SPTB: variants seen among roughly 807,000 people sequenced by gnomAD.
SPTB encodes the protein spectrin beta, erythrocytic, also known as spectrin beta chain, erythrocytic.
Under a neutral mutation model 256.2 loss-of-function variants are expected in SPTB, and 45 were observed. The ratio of observed to expected loss-of-function variants is 0.18; its 90% CI spans 0.14 to 0.23. The LOEUF (loss-of-function observed/expected upper bound fraction) is 0.23. Among genes scored for constraint, SPTB ranks in the 10% least tolerant of loss-of-function variants. SPTB has a pLI of 1.00. For synonymous variants in SPTB, 1,231 were observed against 1,243.1 expected, an observed-to-expected ratio of 0.99 and a Z score of 0.21; for missense variants, 2,715 against 3,040.4, an observed-to-expected ratio of 0.89 and a Z score of 2.52.
rs1350193706 is a variant in SPTB at position 64,823,481 on chromosome 14, T to G, written c.-51-336A>C. On this transcript the variant is annotated intron_variant, in intron 1 of 35. Coordinates refer to ENST00000644917, the MANE Select transcript of SPTB (RefSeq NM_001355436.2). This position sits in a 1 kb window ranked among gnomAD's most constrained non-coding sequence, Gnocchi z 6.5. ...GGGAGCACCCCGGGAGAGAGGAAGC[T>G]CTCCTGGGAGCCAGAGGCAGCAGGG... is the stretch of plus-strand genomic sequence containing the variant. Among the ~76,000 whole-genome samples, 7 of 151,760 alleles carry G rather than the reference T, an allele frequency of 4.6e-5. No individual in the cohort carries two copies. Among genetic ancestry groups the G allele is most frequent in the Non-Finnish European group, 1.0e-4 (7 of 67,952 alleles).
chr14:64,820,410 G>C (rs1343355613), intron 2 of SPTB, among the ~76,000 whole-genome samples: 3 of 152,234 alleles, frequency 2.0e-5, no homozygotes, highest in African/African-American at 7.2e-5. Context: ...AGGTCACTTA[G>C]AGTGGACTCT....
chr14:64,786,078 A>G lies in SPTB; in HGVS notation c.3562-127T>C. 1.0e-6 allele frequency: 1 copy of G among 991,636 alleles called. No homozygotes were observed. The highest frequency in any genetic ancestry group is 1.6e-6 in the Non-Finnish European group (1 of 641,396). The allele number at this position is 991,636 out of a possible 1,614,324, so 61.4% of individuals were successfully genotyped here. ...ATGAATGAGCCCCCTAGAGTAGTAC[A>G]GGGAGGAGGCACTACTCCCCAGGCC... On this transcript the variant is annotated intron_variant, in intron 16 of 35. Transcript: ENST00000644917. The surrounding 1 kb of genome is among the most constrained non-coding windows in gnomAD (Gnocchi z 5.6).
intron 2 of SPTB, among the ~76,000 whole-genome samples, chr14:64,812,844 C>A (rs1262103139): frequency 1.3e-5 from 2 of 152,176 alleles, no homozygotes; most frequent in Non-Finnish European, 2.9e-5. Flanking sequence ...TTTATTGCTT[C>A]CATGGCTTTC....
Position 64,775,720 on chromosome 14 carries a change from C to T in SPTB, c.4564-317G>A, listed in dbSNP as rs2082346944. On this transcript the variant is annotated intron_variant, in intron 22 of 35. Coordinates refer to ENST00000644917, the MANE Select transcript of SPTB (RefSeq NM_001355436.2). This position sits in a 1 kb window ranked among gnomAD's most constrained non-coding sequence, Gnocchi z 5.0. Reference sequence around the variant, plus strand: ...GGCAGCCTGTGCTCTTGACTGTCCCCTATCTTCCTGTGCTTCAGCAGAGCT... The same window carrying T: ...GGCAGCCTGTGCTCTTGACTGTCCCTTATCTTCCTGTGCTTCAGCAGAGCT... 6.6e-6 allele frequency among the ~76,000 whole-genome samples: 1 copy of T among 152,210 alleles called. No homozygotes were observed. The highest frequency in any genetic ancestry group is 2.4e-5 in the African/African-American group (1 of 41,454).
intron 30 of SPTB, 92 bp from the exon 31 acceptor site, chr14:64,767,444 A>G (rs1056816496): frequency 6.5e-7 from 1 of 1,535,358 alleles, no homozygotes; most frequent in East Asian, 2.2e-5. Flanking sequence ...CTGCACCCCC[A>G]CATGCCCTGA....
Position 64,793,034 on chromosome 14 carries a change from G to T in SPTB, c.2629C>A (p.Pro877Thr). ...KEKWLAEMEM[P>T]DTLEDLEVVQ... is the part of the protein sequence containing the mutation. ...ACCTCCAGGTCCTCCAGGGTGTCTGGCATTTCCATCTCGGCCAGCCACTTC... is the reference window on the plus strand; with the variant it reads ...ACCTCCAGGTCCTCCAGGGTGTCTGTCATTTCCATCTCGGCCAGCCACTTC... The change falls in exon 14 of 36, where the codon CCA (proline) becomes ACA (threonine). Residue 877 changes from proline to threonine, a missense_variant. This residue lies in a region of SPTB where 2,239 missense variants were observed against 2,384.4 expected (regional missense o/e 0.94). Coordinates refer to ENST00000644917, the MANE Select transcript of SPTB (RefSeq NM_001355436.2). The surrounding 1 kb of genome is among the most constrained non-coding windows in gnomAD (Gnocchi z 7.0). 1.2e-6 allele frequency: 2 copies of T among 1,613,926 alleles called. No individual in the cohort carries two copies. Among genetic ancestry groups the T allele is most frequent in the Non-Finnish European group, 1.7e-6 (2 of 1,180,030 alleles).
At chr14:64,767,600 C>T in intron 30 of SPTB, 63 bp downstream of exon 30, 4 of 1,598,170 alleles carry the variant, frequency 2.5e-6, no homozygotes, top group East Asian at 2.2e-5. Context: ...GGAGTCCTTA[C>T]ATGAGACCCC....
intron 2 of SPTB, among the ~76,000 whole-genome samples, 181 bp downstream of exon 2, chr14:64,822,766 C>A (rs2083315783): frequency 6.6e-6 from 1 of 152,196 alleles, no homozygotes; most frequent in African/African-American, 2.4e-5. Context: ...GCCTTGGGGG[C>A]AGAGGCTGCC....
Position 64,801,274 on chromosome 14 carries a change from G to C in SPTB, c.763+11C>G. Reference sequence around the variant, plus strand: ...CTGCAGCAAAGGCTGGCAGGGGTGGGTGTGGCTCACCTTCGGGGTCGAGGA... The same window carrying C: ...CTGCAGCAAAGGCTGGCAGGGGTGGCTGTGGCTCACCTTCGGGGTCGAGGA... On this transcript the variant is annotated intron_variant, in intron 7 of 35. Transcript: ENST00000644917. 6.2e-7 allele frequency: 1 copy of C among 1,607,226 alleles called. No individual in the cohort carries two copies. Among genetic ancestry groups the C allele is most frequent in the Non-Finnish European group, 8.5e-7 (1 of 1,174,170 alleles).
Position 64,760,604 on chromosome 14 carries a change from A to G in SPTB, c.6345+6122T>C, listed in dbSNP as rs1339155849. Among the ~76,000 whole-genome samples the G allele has an allele frequency of 1.3e-5, 2 of 152,222 alleles. No individual in the cohort carries two copies. The highest frequency in any genetic ancestry group is 2.9e-5 in the Non-Finnish European group (2 of 68,032). ...CAGCAACGGGATGCATCGTGCCACA[A>G]CTGAATTCATGTTAGAATTCACATG... is the stretch of plus-strand genomic sequence containing the variant. On this transcript the variant is annotated intron_variant, in intron 32 of 35. Coordinates refer to ENST00000644917, the MANE Select transcript of SPTB (RefSeq NM_001355436.2). This position sits in a 1 kb window ranked among gnomAD's most constrained non-coding sequence, Gnocchi z 4.3.
intron 2 of SPTB, among the ~76,000 whole-genome samples, chr14:64,820,764 G>A (rs2083272437): frequency 6.6e-6 from 1 of 152,122 alleles, no homozygotes; most frequent in Non-Finnish European, 1.5e-5. Context: ...TCCGCCTCCC[G>A]GGTTCAAGCA....
rs1386957550 is a variant in SPTB at position 64,807,645 on chromosome 14, C to T, written c.149-2555G>A. Reference sequence around the variant, plus strand: ...GGAGAAAAGGCCCCAAGGTGAGAGGCATTTCCATGAGCTGGCTGGCTCCAG... The same window carrying T: ...GGAGAAAAGGCCCCAAGGTGAGAGGTATTTCCATGAGCTGGCTGGCTCCAG... On this transcript the variant is annotated intron_variant, in intron 2 of 35. Coordinates refer to ENST00000644917, the MANE Select transcript of SPTB (RefSeq NM_001355436.2). The surrounding 1 kb of genome is among the most constrained non-coding windows in gnomAD (Gnocchi z 4.7). Among the ~76,000 whole-genome samples, 1 of 152,270 alleles carries T rather than the reference C, an allele frequency of 6.6e-6. No homozygotes were observed. Among genetic ancestry groups the T allele is most frequent in the Non-Finnish European group, 1.5e-5 (1 of 68,046 alleles).
At position 64,791,770 on chromosome 14, in the gene SPTB, C is replaced by A; in HGVS notation, c.2753G>T (p.Gly918Val). The change falls in exon 15 of 36, where the codon GGC becomes GTC. Residue 918 changes from glycine to valine, a missense_variant. Physicochemically the swap from Gly to Val is moderately radical, Grantham distance 109. Around this residue, in one of 4 missense-constraint regions of SPTB, gnomAD observed 2,239 missense variants for 2,384.4 expected, o/e 0.94. Transcript: ENST00000644917. ...NLAANSLVES[G>V]HPRSREVKQY... ...CTTCACCTCCCTGCTGCGTGGGTGGCCACTCTCTACCAAGCTGTTGGCAGC... is the reference window on the plus strand; with the variant it reads ...CTTCACCTCCCTGCTGCGTGGGTGGACACTCTCTACCAAGCTGTTGGCAGC... 4 of 1,614,104 alleles carry A rather than the reference C, an allele frequency of 2.5e-6. No homozygotes were observed. Among genetic ancestry groups the A allele is most frequent in the Non-Finnish European group, 3.4e-6 (4 of 1,179,998 alleles).
chr14:64,763,648 G>A (rs45457997), intron 32 of SPTB: 1 of 495,212 alleles, frequency 2.0e-6, no homozygotes, highest in Non-Finnish European at 4.1e-6. Flanking sequence ...CACGCAGGAA[G>A]TTACCAACAG....
intron 13 of SPTB, among the ~76,000 whole-genome samples, chr14:64,794,238 G>A (rs892098806): frequency 5.3e-5 from 8 of 152,198 alleles, no homozygotes; most frequent in Non-Finnish European, 1.2e-4. Flanking sequence ...AACTAGCAAG[G>A]AGAATGAAGG....
intron 33 of SPTB, among the ~76,000 whole-genome samples, chr14:64,751,608 T>G (rs1167693130): frequency 6.6e-6 from 1 of 152,170 alleles, no homozygotes; most frequent in Non-Finnish European, 1.5e-5. Flanking sequence ...TATAGAACTA[T>G]TACGTCTTAA....
In SPTB at chr14:64,749,581, C is replaced by T. The variant is rs1180396373; in HGVS notation, c.6819+73G>A. The T allele has an allele frequency of 6.2e-7, 1 of 1,608,206 alleles. No homozygotes were observed. Among genetic ancestry groups the T allele is most frequent in the Non-Finnish European group, 8.5e-7 (1 of 1,179,250 alleles). ...GGGACTGCCCCTTCTGAGGGGGCCT[C>T]CAGGGCAAGCGGCCTGGGGTCCTCC... On this transcript the variant is annotated intron_variant, in intron 35 of 35. Coordinates refer to ENST00000644917, the MANE Select transcript of SPTB (RefSeq NM_001355436.2). The surrounding 1 kb of genome is among the most constrained non-coding windows in gnomAD (Gnocchi z 4.7).
At chr14:64,843,180 A>G (rs961242058) in intron 1 of SPTB, among the ~76,000 whole-genome samples, 1 of 152,180 alleles carries the variant, frequency 6.6e-6, no homozygotes, top group Non-Finnish European at 1.5e-5. Flanking sequence ...ATCTGTGTAG[A>G]TTCTGTAAAT....
chr14:64,870,966 G>T (rs1951494), intron 1 of SPTB, among the ~76,000 whole-genome samples: 117,790 of 152,100 alleles, frequency 0.77, 46,289 homozygotes, highest in African/African-American at 0.86. Flanking sequence ...GATGAAAAAC[G>T]TCCATCTTTT....
Sources: allele counts gnomAD v4.1 joint callset (sites outside exome capture counted in the v4.1 genomes callset), GRCh38; gene constraint gnomAD v4.1.1; regional missense constraint gnomAD v4.1.1; non-coding constraint Gnocchi (gnomAD v3.1); transcripts MANE v1.5; gene names NCBI Gene and HGNC (gene_info 2026-07-23, HGNC 2026-07-21).